KANSL1L: variants seen among roughly 807,000 people sequenced by gnomAD.
The protein encoded by KANSL1L is KAT8 regulatory NSL complex subunit 1 like, also known as KAT8 regulatory NSL complex subunit 1-like protein.
In KANSL1L, 25 loss-of-function variants were observed where a neutral mutation model predicts 108.6. That is an observed-to-expected ratio of 0.23 (90% CI 0.17 to 0.32). The LOEUF (loss-of-function observed/expected upper bound fraction) is 0.32, where lower values mean the gene tolerates loss of function less well. Among genes scored for constraint, KANSL1L ranks in the 10% least tolerant of loss-of-function variants. The probability of loss-of-function intolerance (pLI) is 1.00; values close to 1 mark genes in which losing one functional copy is unlikely to be tolerated. For missense variants in KANSL1L, 1,137 were observed against 1,125.7 expected (o/e 1.01, Z -0.14); for synonymous variants, 405 against 395.1 (o/e 1.03, Z -0.30).
chr2:210,059,799 T>A (rs2094400154), intron 6 of KANSL1L, among the ~76,000 whole-genome samples: 1 of 151,810 alleles, frequency 6.6e-6, no homozygotes, highest in Admixed American at 6.6e-5. Context: ...GATAGTGCAA[T>A]GGCATGATCT....
intron 7 of KANSL1L, chr2:210,043,616 T>C (rs141615212): frequency 1.2e-3 from 227 of 184,208 alleles, no homozygotes; most frequent in African/African-American, 5.1e-3. Flanking sequence ...TGAATTACCA[T>C]TACTCAGAAA....
At chr2:210,068,718 T>C (rs1213432875) in intron 6 of KANSL1L, among the ~76,000 whole-genome samples, 1 of 152,216 alleles carries the variant, frequency 6.6e-6, no homozygotes, top group Non-Finnish European at 1.5e-5. Context: ...TCTTTGCCCC[T>C]TTTGGTTTAA....
chr2:210,059,758 ATAC>A (rs904881554), intron 6 of KANSL1L, among the ~76,000 whole-genome samples: 5 of 152,148 alleles, frequency 3.3e-5, no homozygotes, highest in African/African-American at 1.2e-4. Flanking sequence ...CAGCATAAAA[ATAC>A]TACTTAAGTA....
intron 3 of KANSL1L, 105 bp downstream of exon 3, chr2:210,128,926 T>C (rs1575585233): frequency 1.1e-6 from 1 of 928,390 alleles, no homozygotes; most frequent in South Asian, 2.1e-5. Flanking sequence ...ATAAACTGGC[T>C]ACATTTTTAT....
At position 210,140,992 on chromosome 2, in the gene KANSL1L, T is replaced by C. The variant is rs1363191253; in HGVS notation, c.1089-11820A>G. Among the ~76,000 whole-genome samples, 8 of 152,144 alleles carry C rather than the reference T, an allele frequency of 5.3e-5. 1 individual carries two copies. In the East Asian group the frequency reaches 1.5e-3, roughly 29 times the overall value. On this transcript the variant is annotated intron_variant, in intron 2 of 14. Coordinates refer to ENST00000281772, the MANE Select transcript of KANSL1L (RefSeq NM_152519.4). ...ATATCCTGAAACGCTAATTAATTTA[T>C]TTCTAACATTGTTTTGATGGGGTCT...
At chr2:210,107,805 T>C (rs1211162273) in intron 3 of KANSL1L, among the ~76,000 whole-genome samples, 1 of 152,054 alleles carries the variant, frequency 6.6e-6, no homozygotes, top group East Asian at 1.9e-4. Flanking sequence ...AGTGCTGGGA[T>C]TACAGGCTTG....
intron 3 of KANSL1L, among the ~76,000 whole-genome samples, chr2:210,106,338 C>T (rs2094846524): frequency 6.6e-6 from 1 of 152,060 alleles, no homozygotes; most frequent in South Asian, 2.1e-4. Flanking sequence ...ATTTCAGAAT[C>T]CATATTTATA....
intron 3 of KANSL1L, among the ~76,000 whole-genome samples, chr2:210,110,151 C>T (rs2094890231): frequency 1.3e-5 from 2 of 152,222 alleles, no homozygotes; most frequent in South Asian, 4.1e-4. Context: ...TACCTACCTA[C>T]ATACTCCTTT....
intron 1 of KANSL1L, among the ~76,000 whole-genome samples, chr2:210,163,192 A>T (rs560594120): frequency 6.4e-4 from 98 of 152,320 alleles, no homozygotes; most frequent in African/African-American, 2.1e-3. Flanking sequence ...ATATGGCAAG[A>T]ATGATGGAAT....
intron 6 of KANSL1L, among the ~76,000 whole-genome samples, chr2:210,070,982 AC>A (rs2094503711): frequency 6.6e-6 from 1 of 151,958 alleles, no homozygotes; most frequent in Non-Finnish European, 1.5e-5. Context: ...ACATGGTGAA[AC>A]CTCATCTCTA....
chr2:210,058,322 C>A (rs1287280577), intron 6 of KANSL1L, among the ~76,000 whole-genome samples: 2 of 152,162 alleles, frequency 1.3e-5, no homozygotes, highest in Non-Finnish European at 2.9e-5. Flanking sequence ...GACTGGTTGT[C>A]TGCTCTCAAA....
chr2:210,046,184 C>T (rs920921273), intron 6 of KANSL1L, among the ~76,000 whole-genome samples: 3 of 152,148 alleles, frequency 2.0e-5, no homozygotes, highest in Non-Finnish European at 4.4e-5. Context: ...AATAACATCA[C>T]ATTGGGAATT....
upstream of KANSL1L, chr2:210,171,757 C>G (rs1688355749): frequency 6.6e-6 from 1 of 152,120 alleles, no homozygotes. Flanking sequence ...AGTCAGGCGA[C>G]TTCATTCCCT....
chr2:210,026,386 T>C (rs2093937229), intron 12 of KANSL1L: 1 of 152,208 alleles, frequency 6.6e-6, no homozygotes, highest in Non-Finnish European at 1.5e-5. Context: ...TTACCTGCAA[T>C]TCCAAAATCC....
intron 3 of KANSL1L, among the ~76,000 whole-genome samples, chr2:210,123,247 C>T (rs115203979): frequency 0.014 from 2,156 of 152,222 alleles, 64 homozygotes; most frequent in African/African-American, 0.049. Context: ...TTTATGGCAG[C>T]AGTATTCACA....
intron 5 of KANSL1L, among the ~76,000 whole-genome samples, chr2:210,079,009 AG>A (rs2094561791): frequency 6.6e-6 from 1 of 152,128 alleles, no homozygotes; most frequent in Admixed American, 6.6e-5. Flanking sequence ...GGAAGGCAGT[AG>A]AACAATTGTA....
At chr2:210,142,389 A>G (rs934673208) in intron 2 of KANSL1L, among the ~76,000 whole-genome samples, 1 of 151,058 alleles carries the variant, frequency 6.6e-6, no homozygotes, top group Non-Finnish European at 1.5e-5. Context: ...GTCTTTTTTC[A>G]TTTCTTAATC....
chr2:210,145,953 G>A (rs779547773), intron 2 of KANSL1L, among the ~76,000 whole-genome samples: 8 of 152,062 alleles, frequency 5.3e-5, no homozygotes, highest in East Asian at 1.9e-4. Context: ...GATTGGGAGG[G>A]TGGTGGTCCC....
At chr2:210,135,119 T>TC (rs1288564991) in intron 2 of KANSL1L, among the ~76,000 whole-genome samples, 4 of 152,146 alleles carry the variant, frequency 2.6e-5, no homozygotes, top group African/African-American at 9.7e-5. Flanking sequence ...TTCTTTTTTT[T>TC]CCCATTGGGA....
Sources: allele counts gnomAD v4.1 joint callset (sites outside exome capture counted in the v4.1 genomes callset), GRCh38; gene constraint gnomAD v4.1.1; transcripts MANE v1.5; gene names NCBI Gene and HGNC (gene_info 2026-07-23, HGNC 2026-07-21).